Variants in RBFOX1 observed in about 807,000 individuals in gnomAD.
RBFOX1 encodes RNA binding protein fox-1 homolog 1.
RBFOX1 carries 8 observed loss-of-function variants against 57.7 expected under a neutral mutation model. That is an observed-to-expected ratio of 0.14 (90% CI 0.08 to 0.25). The LOEUF (loss-of-function observed/expected upper bound fraction) is 0.25, where lower values mean the gene tolerates loss of function less well. RBFOX1 is among the 10% of genes least tolerant of loss of function. The pLI, the probability that RBFOX1 is intolerant of heterozygous loss-of-function variation, is 1.00. For synonymous variants in RBFOX1, 326 were observed against 222.4 expected, an observed-to-expected ratio of 1.47 and a Z score of -4.15; for missense variants, 611 against 548.5, an observed-to-expected ratio of 1.11 and a Z score of -1.14.
rs946215766 is a variant in RBFOX1 at position 6,519,430 on chromosome 16, G to T, written c.-63-135173G>T. On this transcript the variant is annotated intron_variant, in intron 2 of 15. Transcript: ENST00000550418. Reference sequence around the variant, plus strand: ...CTGATGGAAACTGTGGCTGGGCGCAGTGGCTCATGGCTGTAATCCCAGCAC... The same window carrying T: ...CTGATGGAAACTGTGGCTGGGCGCATTGGCTCATGGCTGTAATCCCAGCAC... 3.9e-5 allele frequency among the ~76,000 whole-genome samples: 6 copies of T among 152,308 alleles called. No homozygotes were observed. The East Asian group carries it at 9.7e-4, about 25-fold the overall frequency.
intron 3 of RBFOX1, among the ~76,000 whole-genome samples, chr16:5,622,777 C>G (rs1459472765): frequency 6.6e-6 from 1 of 152,200 alleles, no homozygotes; most frequent in African/African-American, 2.4e-5. Context: ...TGTTGGCCCT[C>G]CATATCTGGG....
At chr16:5,614,139 G>A (rs2047930806) in intron 3 of RBFOX1, among the ~76,000 whole-genome samples, 1 of 152,144 alleles carries the variant, frequency 6.6e-6, no homozygotes, top group Non-Finnish European at 1.5e-5. Flanking sequence ...CTCCCTCTAG[G>A]TTGGGAGGTG....
chr16:6,212,610 G>A (rs950516568), intron 1 of RBFOX1, among the ~76,000 whole-genome samples: 2 of 152,146 alleles, frequency 1.3e-5, no homozygotes, highest in Non-Finnish European at 2.9e-5. Context: ...GGGAGGCTGA[G>A]GCTGGAGAAT....
rs535467084 is a variant in RBFOX1, at chr16:5,480,389, A to C, written c.258+13135A>C. ...CATGTATAGATTATTTAAAAAAAAA[A>C]ACCCAACAACACAATTTACAGCTTC... On this transcript the variant is annotated intron_variant, in intron 2 of 2. Transcript: ENST00000585867. Among the ~76,000 whole-genome samples, 3 of 152,236 alleles carry C rather than the reference A, an allele frequency of 2.0e-5. No individual in the cohort carries two copies. In the South Asian group the frequency reaches 6.2e-4, roughly 32 times the overall value.
intron 1 of RBFOX1, among the ~76,000 whole-genome samples, chr16:6,221,910 G>A (rs1290664852): frequency 2.6e-5 from 4 of 152,152 alleles, no homozygotes; most frequent in Non-Finnish European, 4.4e-5. Context: ...AAATTTGGGT[G>A]GGGACACAGC....
At chr16:6,704,463 C>G (rs988809815) in intron 3 of RBFOX1, 1 of 152,280 alleles carries the variant, frequency 6.6e-6, no homozygotes, top group African/African-American at 2.4e-5. Flanking sequence ...CAGGACTTTC[C>G]TCTTCACAGC....
At chr16:5,904,946 C>T (rs1300327679) in intron 4 of RBFOX1, among the ~76,000 whole-genome samples, 3 of 139,696 alleles carry the variant, frequency 2.1e-5, no homozygotes, top group African/African-American at 8.0e-5. Context: ...CAATGCACTC[C>T]AGCCTGGGCG....
chr16:5,701,945 A>G (rs1201391196), intron 3 of RBFOX1, among the ~76,000 whole-genome samples: 1 of 152,210 alleles, frequency 6.6e-6, no homozygotes, highest in Non-Finnish European at 1.5e-5. Context: ...AGGAGAATGG[A>G]GACCTCTGTC....
intron 4 of RBFOX1, among the ~76,000 whole-genome samples, chr16:5,886,636 T>A (rs1178295871): frequency 6.6e-6 from 1 of 152,164 alleles, no homozygotes; most frequent in Non-Finnish European, 1.5e-5. Context: ...GCCTGTCATC[T>A]CAGCACTTTG....
At chr16:5,345,857 G>A (rs1345737018) in intron 1 of RBFOX1, among the ~76,000 whole-genome samples, 1 of 152,204 alleles carries the variant, frequency 6.6e-6, no homozygotes, top group Non-Finnish European at 1.5e-5. Flanking sequence ...TGGCCCGTTA[G>A]TGGGCTGGTG....
chr16:6,060,954 C>A (rs1198666732), intron 1 of RBFOX1, among the ~76,000 whole-genome samples: 1 of 152,212 alleles, frequency 6.6e-6, no homozygotes, highest in African/African-American at 2.4e-5. Flanking sequence ...TGCCCTGAAC[C>A]CAGCCCTGCC....
chr16:6,057,296 T>C (rs1026010049), intron 1 of RBFOX1, among the ~76,000 whole-genome samples: 2 of 152,084 alleles, frequency 1.3e-5, no homozygotes, highest in Middle Eastern at 3.2e-3. Flanking sequence ...AATAATGACC[T>C]GGGTTTTTTT....
chr16:6,165,146 T>C (rs1183784804), intron 1 of RBFOX1, among the ~76,000 whole-genome samples: 3 of 151,910 alleles, frequency 2.0e-5, no homozygotes, highest in Admixed American at 2.0e-4. Flanking sequence ...GCTTTGGCAG[T>C]TTTTAAGTGG....
At chr16:6,266,200 G>A (rs1490961540) in intron 1 of RBFOX1, among the ~76,000 whole-genome samples, 3 of 152,142 alleles carry the variant, frequency 2.0e-5, no homozygotes, top group Admixed American at 2.0e-4. Context: ...GGACCCTTGA[G>A]AGAAGATGAC....
chr16:6,540,084 GA>G lies in RBFOX1; in HGVS notation c.-63-114517del, dbSNP rs1162554283. On this transcript the variant is annotated intron_variant, in intron 2 of 15. Transcript: ENST00000550418. ...CGTGACTTGACTTTGATGAAATAGA[GA>G]AGCAGGCTGCCCTCTGTCAGTTGAA... Among the ~76,000 whole-genome samples, 346 of 152,158 alleles carry G rather than the reference GA, an allele frequency of 2.3e-3. 1 individual carries two copies. Among genetic ancestry groups the G allele is most frequent in the African/African-American group, 8.0e-3 (332 of 41,518 alleles).
intron 3 of RBFOX1, among the ~76,000 whole-genome samples, chr16:6,903,311 G>T (rs1403409138): frequency 6.6e-6 from 1 of 152,206 alleles, no homozygotes; most frequent in African/African-American, 2.4e-5. Flanking sequence ...GAGGTCAGCA[G>T]CCCTTACAGC....
intron 4 of RBFOX1, among the ~76,000 whole-genome samples, chr16:7,177,693 G>T (rs899871352): frequency 2.0e-5 from 3 of 152,126 alleles, no homozygotes; most frequent in African/African-American, 4.8e-5. Flanking sequence ...TAGGACAGGG[G>T]TCAGCAAATC....
chr16:7,109,553 G>A (rs533469359), intron 4 of RBFOX1, among the ~76,000 whole-genome samples: 60 of 152,240 alleles, frequency 3.9e-4, no homozygotes, highest in African/African-American at 1.4e-3. Flanking sequence ...GGTCTCTGCA[G>A]TTGGAAGCTG....
intron 3 of RBFOX1, among the ~76,000 whole-genome samples, chr16:6,937,401 C>G (rs903491968): frequency 4.0e-5 from 6 of 151,348 alleles, no homozygotes; most frequent in Non-Finnish European, 5.9e-5. Context: ...TTAATGTAGA[C>G]TTTTTTTTTA....
Sources: gnomAD v4.1 joint callset for allele counts (sites outside exome capture counted in the v4.1 genomes callset) on GRCh38, gnomAD v4.1.1 for gene constraint, MANE v1.5 for transcripts, NCBI Gene and HGNC (gene_info 2026-07-23, HGNC 2026-07-21) for gene names.